The following PDPK1 variants were observed in gnomAD, a reference collection of about 807,000 sequenced individuals.
The protein encoded by PDPK1 is 3-phosphoinositide dependent protein kinase 1.
A neutral mutation model predicts 39.8 loss-of-function variants in PDPK1; 7 were observed. That is an observed-to-expected ratio of 0.18 (90% CI 0.10 to 0.33). The LOEUF is 0.33. PDPK1 is among the 10% of genes least tolerant of loss of function. PDPK1 has a pLI of 1.00. For missense variants in PDPK1, 182 were observed against 384.7 expected (o/e 0.47, Z 4.41); for synonymous variants, 118 against 159.1 (o/e 0.74, Z 1.95).
intron 11 of PDPK1, among the ~76,000 whole-genome samples, chr16:2,589,696 G>GA (rs530064221): frequency 0.028 from 2,051 of 74,560 alleles, 16 homozygotes; most frequent in Non-Finnish European, 0.037. Context: ...CTCAAAATTG[G>GA]AAAAAAAAAA....
chr16:2,558,020 C>G, intron 2 of PDPK1, 57 bp downstream of exon 2: 4 of 1,597,874 alleles, frequency 2.5e-6, no homozygotes, highest in South Asian at 1.1e-5. Context: ...GGGAGGCTCA[C>G]CTTCCTCGGG....
At chr16:2,539,842 C>G (rs368317195) in intron 1 of PDPK1, among the ~76,000 whole-genome samples, 1 of 152,156 alleles carries the variant, frequency 6.6e-6, no homozygotes, top group South Asian at 2.1e-4. Context: ...GTGTCATCCA[C>G]GGGAAGAGGA....
chr16:2,539,790 C>G (rs1291320366), intron 1 of PDPK1, among the ~76,000 whole-genome samples: 1 of 152,184 alleles, frequency 6.6e-6, no homozygotes, highest in Admixed American at 6.5e-5. Context: ...GTGAGGTTAA[C>G]TCGCACCCAG....
At chr16:2,587,811 C>G (rs528693679) in intron 11 of PDPK1, among the ~76,000 whole-genome samples, 1 of 152,260 alleles carries the variant, frequency 6.6e-6, no homozygotes, top group Non-Finnish European at 1.5e-5. Flanking sequence ...TTCAGTTTCT[C>G]TCCAGTCTCG....
rs1175172959 is a variant in PDPK1, at chr16:2,544,241, T to C, written c.24+6105T>C. 3.3e-5 allele frequency among the ~76,000 whole-genome samples: 5 copies of C among 152,328 alleles called. No individual in the cohort carries two copies. The East Asian group carries it at 5.8e-4, about 18-fold the overall frequency. ...AGTGTTTCTACCTGAAGAGACCTGG[T>C]TGCAAAGCAGCATGCCCAGTATAAC... On this transcript the variant is annotated intron_variant, in intron 1 of 13. Coordinates refer to ENST00000342085, the MANE Select transcript of PDPK1 (RefSeq NM_002613.5).
intron 1 of PDPK1, among the ~76,000 whole-genome samples, chr16:2,553,120 G>A (rs556753316): frequency 3.4e-5 from 5 of 144,946 alleles, no homozygotes; most frequent in Admixed American, 3.3e-4. Flanking sequence ...CACCTGTGAG[G>A]TGGGCACTGG....
At chr16:2,588,176 C>A (rs528584869) in intron 11 of PDPK1, among the ~76,000 whole-genome samples, 1 of 152,306 alleles carries the variant, frequency 6.6e-6, no homozygotes, top group East Asian at 1.9e-4. Context: ...ACACCTGTCT[C>A]TAGAAAACCT....
chr16:2,540,411 C>T (rs932256449), intron 1 of PDPK1, among the ~76,000 whole-genome samples: 6 of 152,156 alleles, frequency 3.9e-5, no homozygotes, highest in African/African-American at 7.2e-5. Context: ...TCCCATTTTA[C>T]GGGTGCAGAA....
intron 1 of PDPK1, chr16:2,538,828 T>C (rs1210842005): frequency 3.4e-6 from 4 of 1,163,048 alleles, no homozygotes; most frequent in Non-Finnish European, 2.2e-6. Flanking sequence ...TGAAATGTTT[T>C]GCTAAAAGTG....
chr16:2,585,796 C>G (rs1271829189), intron 10 of PDPK1, among the ~76,000 whole-genome samples: 1 of 152,334 alleles, frequency 6.6e-6, no homozygotes, highest in East Asian at 1.9e-4. Flanking sequence ...AGTGTGAACA[C>G]ATGGGGGACG....
chr16:2,596,792 C>T (rs964832816), intron 12 of PDPK1, among the ~76,000 whole-genome samples: 2 of 152,014 alleles, frequency 1.3e-5, no homozygotes, highest in African/African-American at 4.8e-5. Flanking sequence ...GTATGTCCTC[C>T]GCAGGCAAGG....
intron 1 of PDPK1, among the ~76,000 whole-genome samples, chr16:2,546,934 G>A (rs1169205819): frequency 3.3e-5 from 5 of 150,990 alleles, no homozygotes; most frequent in African/African-American, 1.2e-4. Flanking sequence ...CCCAGGCCCA[G>A]GGCTCAGTGA....
chr16:2,552,158 G>A (rs2066426825), intron 1 of PDPK1, among the ~76,000 whole-genome samples: 1 of 149,838 alleles, frequency 6.7e-6, no homozygotes, highest in South Asian at 2.1e-4. Context: ...TTTTTGTAGA[G>A]ATGGGGTTTC....
chr16:2,538,057 G>T lies in PDPK1; in HGVS notation c.-56G>T. 1.1e-6 allele frequency: 1 copy of T among 906,242 alleles called. No homozygotes were observed. The highest frequency in any genetic ancestry group is 1.3e-6 in the Non-Finnish European group (1 of 743,882). 56.1% of individuals were successfully genotyped at this position (906,242 alleles called of 1,614,324 possible). On this transcript the variant is annotated 5_prime_UTR_variant, in exon 1 of 14. It adds an upstream start codon to the 5' untranslated region. Coordinates refer to ENST00000342085, the MANE Select transcript of PDPK1 (RefSeq NM_002613.5). The stretch of plus-strand genomic sequence containing the variant: ...TCCGCTTCGGGGAGGAGGACGCTGA[G>T]GAGGCGCCGAGCCGCGCAGCGCTGC...
chr16:2,539,034 A>C (rs2066192708), intron 1 of PDPK1: 1 of 222,106 alleles, frequency 4.5e-6, no homozygotes, highest in East Asian at 1.5e-4. Context: ...TAAATGAAGG[A>C]AAACCCAAGA....
intron 6 of PDPK1, among the ~76,000 whole-genome samples, chr16:2,573,511 T>C (rs1325800504): frequency 3.2e-5 from 2 of 63,178 alleles, no homozygotes; most frequent in African/African-American, 9.9e-5. Context: ...TTCTTATTTG[T>C]TTTTAATGTT....
At position 2,599,190 on chromosome 16, in the gene PDPK1, C is replaced by T. The variant is rs1054733571; in HGVS notation, c.*1423C>T. ...AGGTCTGGGCCCTTCTCTCCCTGCC[C>T]AGGTTGTCCCTGGAGGGCAGCCCTC... On this transcript the variant is annotated 3_prime_UTR_variant, in exon 14 of 14. Transcript: ENST00000342085. The T allele has an allele frequency of 3.4e-5, 8 of 233,328 alleles. No individual in the cohort carries two copies. The highest frequency in any genetic ancestry group is 5.9e-5 in the Non-Finnish European group (7 of 118,140). The allele number at this position is 233,328 out of a possible 1,614,324, so 14.5% of individuals were successfully genotyped here. A position where few individuals can be genotyped will look rare whatever the true frequency, so the allele number is the denominator to read the frequency against.
At chr16:2,596,951 T>C (rs1178284158) in intron 12 of PDPK1, among the ~76,000 whole-genome samples, 172 bp from the exon 13 acceptor site, 1 of 152,086 alleles carries the variant, frequency 6.6e-6, no homozygotes, top group East Asian at 1.9e-4. Context: ...CCCTGTGACC[T>C]TAGAAACTGG....
chr16:2,591,886 G>A (rs939493643), intron 11 of PDPK1, among the ~76,000 whole-genome samples: 3 of 152,214 alleles, frequency 2.0e-5, no homozygotes, highest in Non-Finnish European at 4.4e-5. Context: ...AATTTCCTGC[G>A]TAGTACATAT....
Sources: gnomAD v4.1 joint callset for allele counts (sites outside exome capture counted in the v4.1 genomes callset) on GRCh38, gnomAD v4.1.1 for gene constraint, MANE v1.5 for transcripts, NCBI Gene and HGNC (gene_info 2026-07-23, HGNC 2026-07-21) for gene names.